Variants in PGM1 observed in about 807,000 individuals in gnomAD.
PGM1 encodes phosphoglucomutase 1.
In PGM1, 52 loss-of-function variants were observed where a neutral mutation model predicts 55.6. That is an observed-to-expected ratio of 0.94 (90% CI 0.75 to 1.18). The LOEUF (loss-of-function observed/expected upper bound fraction) is 1.18. Among genes scored for constraint, PGM1 ranks in the 50% most tolerant of loss-of-function variants. The probability of loss-of-function intolerance (pLI) is 0.00; values close to 1 mark genes in which losing one functional copy is unlikely to be tolerated. For missense variants in PGM1, 724 were observed against 729.3 expected, an observed-to-expected ratio of 0.99 and a Z score of 0.08; for synonymous variants, 287 against 271.7, an observed-to-expected ratio of 1.06 and a Z score of -0.55.
chr1:63,659,722 A>G lies in PGM1; in HGVS notation c.*47A>G. On this transcript the variant is annotated 3_prime_UTR_variant, in exon 11 of 11. Coordinates refer to ENST00000371084, the MANE Select transcript of PGM1 (RefSeq NM_002633.3). ...CGTCCCTCCACCCCCGGACCCATCC[A>G]AGTCATCTGATTGAAGAGCATGACA... The G allele has an allele frequency of 7.3e-7, 1 of 1,374,802 alleles. No homozygotes were observed. Among genetic ancestry groups the G allele is most frequent in the Non-Finnish European group, 1.0e-6 (1 of 961,610 alleles). 85.2% of individuals were successfully genotyped at this position (1,374,802 alleles called of 1,614,324 possible). A position where few individuals can be genotyped will look rare whatever the true frequency, so the allele number is the denominator to read the frequency against.
intron 1 of PGM1, among the ~76,000 whole-genome samples, chr1:63,614,888 A>G (rs1648669097): frequency 6.6e-6 from 1 of 152,166 alleles, no homozygotes; most frequent in Non-Finnish European, 1.5e-5. Context: ...GGCCTACTGA[A>G]TTTATCTTCT....
chr1:63,604,969 G>A, intron 1 of PGM1, among the ~76,000 whole-genome samples: 1 of 139,208 alleles, frequency 7.2e-6, no homozygotes, highest in East Asian at 2.3e-4. Context: ...GTAAAGAGAG[G>A]GGATATAGTT....
chr1:63,643,381 G>A (rs917094236), intron 7 of PGM1, among the ~76,000 whole-genome samples: 3 of 152,188 alleles, frequency 2.0e-5, no homozygotes, highest in Non-Finnish European at 4.4e-5. Flanking sequence ...GTAAAGTGAA[G>A]TTTGTGTTAG....
At chr1:63,636,701 G>A (rs1020616085) in intron 6 of PGM1, among the ~76,000 whole-genome samples, 1 of 152,136 alleles carries the variant, frequency 6.6e-6, no homozygotes, top group Non-Finnish European at 1.5e-5. Context: ...TCACCATCTG[G>A]ACTCTGCCTG....
intron 1 of PGM1, 110 bp from the exon 2 acceptor site, chr1:63,629,315 A>T: frequency 1.1e-6 from 1 of 898,570 alleles, no homozygotes; most frequent in South Asian, 1.3e-5. Context: ...TGTCCAACAG[A>T]TTATTACTAT....
chr1:63,603,885 T>A (rs78646432), intron 1 of PGM1, among the ~76,000 whole-genome samples: 1 of 152,226 alleles, frequency 6.6e-6, no homozygotes, highest in Non-Finnish European at 1.5e-5. Context: ...AATTTCACTC[T>A]TGTCTTCTTT....
chr1:63,602,713 CAAGT>C (rs1648279562), intron 1 of PGM1, among the ~76,000 whole-genome samples: 1 of 151,938 alleles, frequency 6.6e-6, no homozygotes, highest in African/African-American at 2.4e-5. Flanking sequence ...GCTAAACCGA[CAAGT>C]GTGAGGATTG....
intron 1 of PGM1, among the ~76,000 whole-genome samples, chr1:63,626,301 C>A (rs944908594): frequency 6.6e-6 from 1 of 152,218 alleles, no homozygotes; most frequent in Non-Finnish European, 1.5e-5. Flanking sequence ...ACCATCACCA[C>A]TATCCATCTC....
At position 63,654,445 on chromosome 1, in the gene PGM1, C is replaced by G; in HGVS notation, c.1578C>G (p.Ala526=). ...TCGATAGCTATGAGAAGGACGTTGC[C>G]AAGATTAACCAGGACCCCCAGGTAA... The part of the protein sequence containing the change: ...LYIDSYEKDV[A]KINQDPQVML... Residue 526 remains alanine (A), a synonymous_variant, in exon 10 of 11, where the codon GCC becomes GCG. Transcript: ENST00000371084. The G allele has an allele frequency of 6.2e-7, 1 of 1,613,992 alleles. No homozygotes were observed. The highest frequency in any genetic ancestry group is 8.5e-7 in the Non-Finnish European group (1 of 1,179,890).
At chr1:63,649,761 A>G (rs1649755879) in intron 8 of PGM1, among the ~76,000 whole-genome samples, 1 of 152,166 alleles carries the variant, frequency 6.6e-6, no homozygotes, top group African/African-American at 2.4e-5. Context: ...TAACTACCTG[A>G]CACCACACAG....
At chr1:63,617,170 G>A (rs1648736555) in intron 1 of PGM1, among the ~76,000 whole-genome samples, 1 of 152,228 alleles carries the variant, frequency 6.6e-6, no homozygotes, top group South Asian at 2.1e-4. Flanking sequence ...TCTCCTTGCT[G>A]TGGACTGAGG....
chr1:63,616,738 C>T (rs1648723039), intron 1 of PGM1, among the ~76,000 whole-genome samples: 1 of 152,220 alleles, frequency 6.6e-6, no homozygotes, highest in Non-Finnish European at 1.5e-5. Context: ...TCAAAATCTA[C>T]TTCAGGAGTC....
chr1:63,633,940 T>TA lies in PGM1; in HGVS notation c.683-889_683-888insA, dbSNP rs1557433810. On this transcript the variant is annotated intron_variant, in intron 4 of 10. Coordinates refer to ENST00000371084, the MANE Select transcript of PGM1 (RefSeq NM_002633.3). ...TGTGTATATATATATATATTTTTTT[T>TA]TTTTTTTTTTTTTTTTTTTTTAGTA... is the stretch of plus-strand genomic sequence containing the variant. Among the ~76,000 whole-genome samples, 30 of 117,310 alleles carry TA rather than the reference T, an allele frequency of 2.6e-4. 1 individual carries two copies. The highest frequency in any genetic ancestry group is 4.5e-4 in the Non-Finnish European group (26 of 57,434). The allele number at this position is 117,310 out of a possible 152,430, so 77.0% of individuals were successfully genotyped here.
intron 1 of PGM1, among the ~76,000 whole-genome samples, chr1:63,606,289 A>G (rs1648414811): frequency 2.0e-5 from 3 of 152,246 alleles, no homozygotes; most frequent in African/African-American, 7.2e-5. Context: ...GGTACAGAAT[A>G]CCAACTTTTT....
Position 63,654,410 on chromosome 1 carries a change from C to T in PGM1, c.1543C>T (p.Arg515Trp), listed in dbSNP as rs775651976. ...CACTGGGAGTGCCGGGGCCACCATTCGGCTGTACATCGATAGCTATGAGAA... is the reference window on the plus strand; with the variant it reads ...CACTGGGAGTGCCGGGGCCACCATTTGGCTGTACATCGATAGCTATGAGAA... ...SGTGSAGATI[R>W]LYIDSYEKDV... is the part of the protein sequence containing the mutation. Residue 515 changes from arginine (R) to tryptophan (W), a missense_variant, in exon 10 of 11, where the codon CGG becomes TGG. Around this residue, in one of 3 missense-constraint regions of PGM1, gnomAD observed 316 missense variants for 313.1 expected, o/e 1.01. Coordinates refer to ENST00000371084, the MANE Select transcript of PGM1 (RefSeq NM_002633.3). 4.3e-6 allele frequency: 7 copies of T among 1,614,018 alleles called. No individual in the cohort carries two copies. Among genetic ancestry groups the T allele is most frequent in the Admixed American group, 1.7e-5 (1 of 60,024 alleles).
At chr1:63,655,075 CCTCCTACCTCAGCTACCTGAGTAGCT>C (rs1649925000) in intron 10 of PGM1, among the ~76,000 whole-genome samples, 1 of 151,328 alleles carries the variant, frequency 6.6e-6, no homozygotes, top group Non-Finnish European at 1.5e-5. Flanking sequence ...CTCAAGCAAT[CCTCCTACCTCAGCTACCTGAGTAGCT>C]CGGATTACAG....
intron 1 of PGM1, among the ~76,000 whole-genome samples, chr1:63,607,793 CTATGGGAATTATCTTTCAGCCAGTCAGTT>C (rs1346709449): frequency 6.6e-6 from 1 of 152,200 alleles, no homozygotes; most frequent in Non-Finnish European, 1.5e-5. Context: ...TGAAACTCCT[CTATGGGAATTATCTTTCAGCCAGTCAGTT>C]TATGGGTCAC....
At chr1:63,644,099 A>G (rs1234908512) in intron 7 of PGM1, among the ~76,000 whole-genome samples, 2 of 152,170 alleles carry the variant, frequency 1.3e-5, no homozygotes, top group Non-Finnish European at 2.9e-5. Flanking sequence ...CCAATCCCTA[A>G]ACTGTTAGCT....
chr1:63,612,100 T>TA (rs1273712288), intron 1 of PGM1, among the ~76,000 whole-genome samples: 3 of 151,526 alleles, frequency 2.0e-5, no homozygotes, highest in African/African-American at 7.3e-5. Context: ...CTACTAAAAA[T>TA]ACAAAAATTA....
Sources: gnomAD v4.1 joint callset for allele counts (sites outside exome capture counted in the v4.1 genomes callset) on GRCh38, gnomAD v4.1.1 for gene constraint, gnomAD v4.1.1 regional missense constraint, MANE v1.5 for transcripts, NCBI Gene and HGNC (gene_info 2026-07-23, HGNC 2026-07-21) for gene names.